The following ZFR2 variants were observed in gnomAD, a reference collection of about 807,000 sequenced individuals.
The protein encoded by ZFR2 is zinc finger RNA binding protein 2, also known as zinc finger RNA-binding protein 2.
A neutral mutation model predicts 105.7 loss-of-function variants in ZFR2; 104 were observed. That is an observed-to-expected ratio of 0.98 (90% CI 0.84 to 1.16). ZFR2 has a LOEUF of 1.16. ZFR2 is among the 50% of genes most tolerant of loss of function. The probability of loss-of-function intolerance (pLI) is 0.00; values close to 1 mark genes in which losing one functional copy is unlikely to be tolerated. For missense variants in ZFR2, 1,425 were observed against 1,355.5 expected, an observed-to-expected ratio of 1.05 and a Z score of -0.80; for synonymous variants, 634 against 597.7, an observed-to-expected ratio of 1.06 and a Z score of -0.89.
At chr19:3,808,828 C>G (rs10406425) in intron 17 of ZFR2, 44 bp downstream of exon 17, 98 of 1,480,454 alleles carry the variant, frequency 6.6e-5, no homozygotes, top group Non-Finnish European at 8.4e-5. Context: ...CTGGTCTCTG[C>G]GATTTGCCGC....
At chr19:3,819,003 C>T (rs1235104641) in intron 12 of ZFR2, 42 bp downstream of exon 12, 1 of 1,593,386 alleles carries the variant, frequency 6.3e-7, no homozygotes, top group Non-Finnish European at 8.5e-7. Context: ...GACCTCTGTC[C>T]TGGCTGAGAG....
chr19:3,829,456 G>A (rs756058675), intron 5 of ZFR2, among the ~76,000 whole-genome samples: 1 of 144,766 alleles, frequency 6.9e-6, no homozygotes, highest in Non-Finnish European at 1.5e-5. Flanking sequence ...AGGTAGGTTT[G>A]TGTGTGTGTG....
Position 3,805,764 on chromosome 19 carries a change from TG to T in ZFR2, c.*184del. 1 of 660,320 alleles carries T rather than the reference TG, an allele frequency of 1.5e-6. No homozygotes were observed. The highest frequency in any genetic ancestry group is 2.3e-6 in the Non-Finnish European group (1 of 431,068). 40.9% of individuals were successfully genotyped at this position (660,320 alleles called of 1,614,324 possible). A position where few individuals can be genotyped will look rare whatever the true frequency, so the allele number is the denominator to read the frequency against. On this transcript the variant is annotated 3_prime_UTR_variant, in exon 19 of 19. Coordinates refer to ENST00000262961, the MANE Select transcript of ZFR2 (RefSeq NM_015174.2). ...CAAGCAACTCAGCCTCCCAAAGTGCTGGGATTAAAGGCATGAGCCACAGTGC... is the reference window on the plus strand; with the variant it reads ...CAAGCAACTCAGCCTCCCAAAGTGCTGGATTAAAGGCATGAGCCACAGTGC...
chr19:3,845,105 G>C (rs1266832835), intron 1 of ZFR2, among the ~76,000 whole-genome samples: 2 of 152,192 alleles, frequency 1.3e-5, no homozygotes, highest in East Asian at 3.8e-4. Context: ...TCTTTGCCCT[G>C]TGTCCTCACG....
intron 1 of ZFR2, chr19:3,852,404 T>C: frequency 1.4e-6 from 1 of 701,212 alleles, no homozygotes; most frequent in South Asian, 1.5e-5. Flanking sequence ...GATGGGGCAC[T>C]GTGACTCTTC....
intron 1 of ZFR2, among the ~76,000 whole-genome samples, chr19:3,867,844 A>C (rs1599263110): frequency 5.7e-5 from 8 of 139,410 alleles, no homozygotes; most frequent in African/African-American, 1.1e-4. Context: ...TCTCTCCTCC[A>C]CCCCACATCA....
At chr19:3,822,051 G>T (rs1201991069) in intron 9 of ZFR2, 30 bp downstream of exon 9, 24 of 1,569,154 alleles carry the variant, frequency 1.5e-5, no homozygotes, top group Non-Finnish European at 2.0e-5. Context: ...CAGCCCGGAC[G>T]GGTGTCGGAG....
chr19:3,848,354 G>C (rs1488533102), intron 1 of ZFR2, among the ~76,000 whole-genome samples: 2 of 151,742 alleles, frequency 1.3e-5, no homozygotes, highest in Admixed American at 1.3e-4. Flanking sequence ...GGAGGTTGCA[G>C]TGACCCAAGA....
At chr19:3,835,714 G>C (rs1035297557) in intron 1 of ZFR2, among the ~76,000 whole-genome samples, 1 of 151,608 alleles carries the variant, frequency 6.6e-6, no homozygotes, top group African/African-American at 2.4e-5. Flanking sequence ...GGAGGCCAAG[G>C]CGGGAGGATT....
intron 15 of ZFR2, 106 bp downstream of exon 15, chr19:3,811,166 T>C (rs2037759623): frequency 1.8e-6 from 2 of 1,139,494 alleles, no homozygotes; most frequent in African/African-American, 1.6e-5. Context: ...CGGTCTGCGC[T>C]GGGAGCCCAC....
Position 3,805,904 on chromosome 19 carries a change from G to A in ZFR2, c.*45C>T, listed in dbSNP as rs1427912999. 1.2e-5 allele frequency: 18 copies of A among 1,484,336 alleles called. No individual in the cohort carries two copies. Among genetic ancestry groups the A allele is most frequent in the Non-Finnish European group, 1.6e-5 (18 of 1,121,312 alleles). The allele number at this position is 1,484,336 out of a possible 1,614,324, so 91.9% of individuals were successfully genotyped here. Reference sequence around the variant, plus strand: ...CCATTGGTCGGCGCGCACACGTCCAGGAGTGCAGGGATGCAAAGGCCCGCA... The same window carrying A: ...CCATTGGTCGGCGCGCACACGTCCAAGAGTGCAGGGATGCAAAGGCCCGCA... On this transcript the variant is annotated 3_prime_UTR_variant, in exon 19 of 19. Transcript: ENST00000262961.
Position 3,810,885 on chromosome 19 carries a change from C to T in ZFR2, c.2338-40G>A, listed in dbSNP as rs1469722482. 66 of 1,543,316 alleles carry T rather than the reference C, an allele frequency of 4.3e-5. No homozygotes were observed. In the East Asian group the frequency reaches 6.6e-4, roughly 15 times the overall value. On this transcript the variant is annotated intron_variant, in intron 15 of 18. Coordinates refer to ENST00000262961, the MANE Select transcript of ZFR2 (RefSeq NM_015174.2). ...CACACGGTTAGCTTTCAGGGGCTCA[C>T]GTGGCCACACGGCATGGCGCCGGGC...
In ZFR2 at chr19:3,810,762, G is replaced by A. The variant is rs1159222019; in HGVS notation, c.2421C>T (p.Ala807=). 1.9e-6 allele frequency: 3 copies of A among 1,549,534 alleles called. No individual in the cohort carries two copies. The highest frequency in any genetic ancestry group is 2.6e-6 in the Non-Finnish European group (3 of 1,146,428). The change falls in exon 16 of 19, where the codon GCC becomes GCT. Residue 807 remains alanine, a synonymous_variant. Coordinates refer to ENST00000262961, the MANE Select transcript of ZFR2 (RefSeq NM_015174.2). ...GGCACTGCCTTACCCAGGCTGGCAG[G>A]GCCCCCCAGGTGGGCACACGCCGGC... ...DLCRRVPTWG[A]LPAWAMELLV...
intron 1 of ZFR2, among the ~76,000 whole-genome samples, chr19:3,859,262 T>G (rs540150355): frequency 6.6e-6 from 1 of 152,322 alleles, no homozygotes; most frequent in Non-Finnish European, 1.5e-5. Context: ...TTTGGACTCT[T>G]GGGCTTACAC....
Position 3,823,236 on chromosome 19 carries a change from C to T in ZFR2, c.1371+10G>A. The T allele has an allele frequency of 6.2e-7, 1 of 1,613,888 alleles. No individual in the cohort carries two copies. Among genetic ancestry groups the T allele is most frequent in the Non-Finnish European group, 8.5e-7 (1 of 1,179,866 alleles). ...GACCGGGGCACCAGGACTTGACAGC[C>T]TCGACTTACCTCCTCCACATATTCC... On this transcript the variant is annotated intron_variant, in intron 8 of 18. Transcript: ENST00000262961. The surrounding 1 kb of genome is among the most constrained non-coding windows in gnomAD (Gnocchi z 5.4).
chr19:3,811,899 T>A (rs2037768908), intron 14 of ZFR2, among the ~76,000 whole-genome samples: 2 of 152,194 alleles, frequency 1.3e-5, no homozygotes, highest in Admixed American at 6.5e-5. Flanking sequence ...TAGCTGGGAC[T>A]GCAGGCGTGC....
At chr19:3,868,824 G>A (rs1357198285) in intron 1 of ZFR2, 141 bp downstream of exon 1, 6 of 694,844 alleles carry the variant, frequency 8.6e-6, no homozygotes, top group African/African-American at 5.6e-5. Context: ...CCGGCGCCGC[G>A]GCTTCCCTCA....
chr19:3,858,575 T>C lies in ZFR2; in HGVS notation c.53+10390A>G, dbSNP rs2038334624. Among the ~76,000 whole-genome samples, 1 of 152,204 alleles carries C rather than the reference T, an allele frequency of 6.6e-6. No individual in the cohort carries two copies. Among genetic ancestry groups the C allele is most frequent in the Admixed American group, 6.5e-5 (1 of 15,282 alleles). On this transcript the variant is annotated intron_variant, in intron 1 of 18. Transcript: ENST00000262961. This position sits in a 1 kb window ranked among gnomAD's most constrained non-coding sequence, Gnocchi z 4.3. Reference sequence around the variant, plus strand: ...GCTCACGCCTATAATCCCAGTGCTTTGGGAGGCCAAGGCAGGCGGATCACC... The same window carrying C: ...GCTCACGCCTATAATCCCAGTGCTTCGGGAGGCCAAGGCAGGCGGATCACC...
Position 3,839,536 on chromosome 19 carries a change from C to CAAAAAAAAAAA in ZFR2, c.54-4564_54-4554dup, listed in dbSNP as rs60712587. Reference sequence around the variant, plus strand: ...CCTGGGTGACAGAGCGGGATTCTGTCAAAAAAAAAAAAAAAAAAAAAAAAA... The same window carrying CAAAAAAAAAAA: ...CCTGGGTGACAGAGCGGGATTCTGTCAAAAAAAAAAAAAAAAAAAAAAAAAAAAAAAAAAAA... On this transcript the variant is annotated intron_variant, in intron 1 of 18. Transcript: ENST00000262961. Among the ~76,000 whole-genome samples the CAAAAAAAAAAA allele has an allele frequency of 4.1e-4, 15 of 36,642 alleles. 4 individuals carry two copies. Among genetic ancestry groups the CAAAAAAAAAAA allele is most frequent in the Non-Finnish European group, 5.5e-4 (11 of 20,066 alleles). The allele number at this position is 36,642 out of a possible 152,430, so 24.0% of individuals were successfully genotyped here.
Sources: allele counts gnomAD v4.1 joint callset (sites outside exome capture counted in the v4.1 genomes callset), GRCh38; gene constraint gnomAD v4.1.1; non-coding constraint Gnocchi (gnomAD v3.1); transcripts MANE v1.5; gene names NCBI Gene and HGNC (gene_info 2026-07-23, HGNC 2026-07-21).